The following SRSF12 variants were observed in gnomAD, a reference collection of about 807,000 sequenced individuals.
The protein encoded by SRSF12 is serine and arginine rich splicing factor 12.
In SRSF12, 21 loss-of-function variants were observed where a neutral mutation model predicts 34.1. That is an observed-to-expected ratio of 0.62 (90% CI 0.44 to 0.89). SRSF12 has a LOEUF of 0.89. Ranked by LOEUF, SRSF12 falls within the 40% of genes least tolerant of loss-of-function variation. SRSF12 has a pLI of 0.00. For missense variants in SRSF12, 278 were observed against 327.8 expected, an observed-to-expected ratio of 0.85 and a Z score of 1.17; for synonymous variants, 111 against 110.8, an observed-to-expected ratio of 1.00 and a Z score of -0.01.
At chr6:89,117,784 C>T (rs776982276) in intron 1 of SRSF12, 39 bp downstream of exon 1, 134 of 1,527,098 alleles carry the variant, frequency 8.8e-5, no homozygotes, top group Non-Finnish European at 1.1e-4. Flanking sequence ...TTACCCCGCC[C>T]CTCCTCCGCG....
chr6:89,099,515 TACACAC>T (rs59572395), intron 4 of SRSF12, among the ~76,000 whole-genome samples: 2 of 133,138 alleles, frequency 1.5e-5, no homozygotes, highest in South Asian at 2.2e-4. Context: ...TATATATATA[TACACAC>T]ACACACACAC....
intron 1 of SRSF12, among the ~76,000 whole-genome samples, chr6:89,112,742 C>CT (rs1176125889): frequency 1.3e-5 from 2 of 152,022 alleles, no homozygotes; most frequent in Non-Finnish European, 2.9e-5. Flanking sequence ...TAGCTTTTTC[C>CT]TTTTTTCATT....
intron 1 of SRSF12, among the ~76,000 whole-genome samples, chr6:89,113,069 A>G (rs940942786): frequency 6.6e-6 from 1 of 152,236 alleles, no homozygotes; most frequent in African/African-American, 2.4e-5. Flanking sequence ...CAAAATCACC[A>G]AATGGATTTG....
At chr6:89,106,812 C>T (rs1768809281) in intron 2 of SRSF12, 1 of 360,244 alleles carries the variant, frequency 2.8e-6, no homozygotes. Context: ...GTAGGAAAGC[C>T]GAAGTCTCAA....
In SRSF12 at chr6:89,099,721, G is replaced by A. The variant is rs545056566; in HGVS notation, c.417-774C>T. Among the ~76,000 whole-genome samples the A allele has an allele frequency of 9.9e-5, 15 of 152,072 alleles. No homozygotes were observed. In the East Asian group the frequency reaches 2.7e-3, roughly 27 times the overall value. On this transcript the variant is annotated intron_variant, in intron 4 of 4. Coordinates refer to ENST00000452027, the MANE Select transcript of SRSF12 (RefSeq NM_080743.5). ...CAGCTAACTTTGTATTTTCAGTAGA[G>A]ATGGGATTTCTCCATGTTGGTCAGG...
chr6:89,101,671 C>T (rs1353539338), intron 4 of SRSF12, among the ~76,000 whole-genome samples: 1 of 151,522 alleles, frequency 6.6e-6, no homozygotes, highest in East Asian at 1.9e-4. Context: ...GCACTCCAGC[C>T]CAGGTGACAG....
At chr6:89,112,319 T>C (rs138295551) in intron 1 of SRSF12, among the ~76,000 whole-genome samples, 454 of 152,312 alleles carry the variant, frequency 3.0e-3, no homozygotes, top group Non-Finnish European at 4.6e-3. Context: ...CTTTTAATTT[T>C]TTAAAAATTT....
At chr6:89,112,774 C>T (rs1289875423) in intron 1 of SRSF12, among the ~76,000 whole-genome samples, 1 of 152,158 alleles carries the variant, frequency 6.6e-6, no homozygotes, top group African/African-American at 2.4e-5. Flanking sequence ...TTATGCACCA[C>T]ATAACAATGT....
At chr6:89,113,059 C>G (rs945710370) in intron 1 of SRSF12, among the ~76,000 whole-genome samples, 4 of 152,176 alleles carry the variant, frequency 2.6e-5, no homozygotes, top group African/African-American at 9.6e-5. Context: ...TGTACAACAA[C>G]AAAATCACCA....
chr6:89,106,218 T>C (rs1300773088), intron 2 of SRSF12, among the ~76,000 whole-genome samples: 2 of 152,136 alleles, frequency 1.3e-5, no homozygotes, highest in Admixed American at 6.6e-5. Flanking sequence ...GTTCAAGAGA[T>C]TCTCCCGCCT....
chr6:89,106,859 T>C (rs917750158), intron 2 of SRSF12: 2 of 413,008 alleles, frequency 4.8e-6, no homozygotes, highest in Non-Finnish European at 9.4e-6. Context: ...GATAAAGACT[T>C]CCCCTCTTCC....
intron 1 of SRSF12, among the ~76,000 whole-genome samples, chr6:89,110,692 A>G (rs1769005550): frequency 6.6e-6 from 1 of 152,210 alleles, no homozygotes; most frequent in South Asian, 2.1e-4. Flanking sequence ...CCCTGCCTCC[A>G]GACCCTATTC....
Position 89,096,427 on chromosome 6 carries a change from G to C in SRSF12, c.*2151C>G, listed in dbSNP as rs1482699637. 6.6e-6 allele frequency: 1 copy of C among 152,150 alleles called. No homozygotes were observed. Among genetic ancestry groups the C allele is most frequent in the Non-Finnish European group, 1.5e-5 (1 of 68,030 alleles). 9.4% of individuals were successfully genotyped at this position (152,150 alleles called of 1,614,324 possible). On this transcript the variant is annotated 3_prime_UTR_variant, in exon 5 of 5. Coordinates refer to ENST00000452027, the MANE Select transcript of SRSF12 (RefSeq NM_080743.5). ...TTAAATACAAGAGTGAATAACTTAA[G>C]ACATATAGAACAGTGCCAAGCATGT...
At chr6:89,115,077 T>A (rs1769230245) in intron 1 of SRSF12, among the ~76,000 whole-genome samples, 1 of 151,788 alleles carries the variant, frequency 6.6e-6, no homozygotes, top group African/African-American at 2.4e-5. Context: ...ATTATAGGCG[T>A]GAGCCACCAC....
At chr6:89,117,109 G>C (rs1769339428) in intron 1 of SRSF12, among the ~76,000 whole-genome samples, 2 of 151,918 alleles carry the variant, frequency 1.3e-5, no homozygotes, top group African/African-American at 4.8e-5. Flanking sequence ...TAGTATCTGT[G>C]TTCAGACACT....
chr6:89,116,543 G>A (rs1029816492), intron 1 of SRSF12, among the ~76,000 whole-genome samples: 6 of 152,148 alleles, frequency 3.9e-5, no homozygotes, highest in African/African-American at 9.7e-5. Flanking sequence ...GGGAGGCCGA[G>A]CTGGGCGGAT....
At chr6:89,106,710 C>CT (rs1459476864) in intron 2 of SRSF12, 13 of 248,786 alleles carry the variant, frequency 5.2e-5, no homozygotes, top group Non-Finnish European at 6.6e-5. Flanking sequence ...GAACCTTGAC[C>CT]TTTACTCTTT....
chr6:89,116,754 G>A (rs1461252945), intron 1 of SRSF12, among the ~76,000 whole-genome samples: 2 of 149,186 alleles, frequency 1.3e-5, no homozygotes, highest in Non-Finnish European at 3.0e-5. Flanking sequence ...CAGCCTGGGG[G>A]ACAAGAGCGA....
At position 89,117,986 on chromosome 6, in the gene SRSF12, G is replaced by A. The variant is rs1364857160; in HGVS notation, c.-99C>T. Reference sequence around the variant, plus strand: ...CACCACAGGAGCTCCGCCGGCCCCCGGCGCGACCCCCACCCCTCGGCCTCA... The same window carrying A: ...CACCACAGGAGCTCCGCCGGCCCCCAGCGCGACCCCCACCCCTCGGCCTCA... On this transcript the variant is annotated 5_prime_UTR_variant, in exon 1 of 5. Coordinates refer to ENST00000452027, the MANE Select transcript of SRSF12 (RefSeq NM_080743.5). The A allele has an allele frequency of 3.0e-5, 39 of 1,320,440 alleles. No individual in the cohort carries two copies. Among genetic ancestry groups the A allele is most frequent in the Non-Finnish European group, 3.7e-5 (36 of 975,118 alleles). The allele number at this position is 1,320,440 out of a possible 1,614,324, so 81.8% of individuals were successfully genotyped here. A position where few individuals can be genotyped will look rare whatever the true frequency, so the allele number is the denominator to read the frequency against.
Sources: allele counts gnomAD v4.1 joint callset (sites outside exome capture counted in the v4.1 genomes callset), GRCh38; gene constraint gnomAD v4.1.1; transcripts MANE v1.5; gene names NCBI Gene and HGNC (gene_info 2026-07-23, HGNC 2026-07-21).